Variants in PCDH15 observed in about 807,000 individuals in gnomAD.
PCDH15 encodes the protein protocadherin related 15.
Under a neutral mutation model 178.5 loss-of-function variants are expected in PCDH15, and 129 were observed. That is an observed-to-expected ratio of 0.72 (90% CI 0.63 to 0.84). The LOEUF (loss-of-function observed/expected upper bound fraction) is 0.84. PCDH15 is among the 40% of genes least tolerant of loss of function. PCDH15 has a pLI of 0.00. For synonymous variants in PCDH15, 800 were observed against 732.0 expected (o/e 1.09, Z -1.50); for missense variants, 2,230 against 2,099.9 (o/e 1.06, Z -1.21).
At chr10:54,191,759 A>G (rs201435906) in intron 11 of PCDH15, among the ~76,000 whole-genome samples, 62,214 of 147,866 alleles carry the variant, frequency 0.42, 15,643 homozygotes, top group East Asian at 0.92. Flanking sequence ...TGCAAAAAAA[A>G]AAAAAAAAAA....
At chr10:54,618,395 T>C (rs2134378139) in intron 2 of PCDH15, among the ~76,000 whole-genome samples, 1 of 152,234 alleles carries the variant, frequency 6.6e-6, no homozygotes, top group South Asian at 2.1e-4. Flanking sequence ...TACATTATGA[T>C]GTAAAACCGG....
At chr10:55,217,535 G>C (rs1238744965) in intron 1 of PCDH15, among the ~76,000 whole-genome samples, 1 of 151,678 alleles carries the variant, frequency 6.6e-6, no homozygotes, top group African/African-American at 2.4e-5. Context: ...AGAGCTCAAG[G>C]ATCTGACATG....
intron 1 of PCDH15, among the ~76,000 whole-genome samples, chr10:54,703,274 C>T (rs2095331257): frequency 6.6e-6 from 1 of 151,980 alleles, no homozygotes; most frequent in Admixed American, 6.6e-5. Flanking sequence ...AAATATCATA[C>T]TGAATGAGCA....
intron 3 of PCDH15, among the ~76,000 whole-genome samples, chr10:54,833,469 T>A (rs1953261926): frequency 6.6e-6 from 1 of 152,186 alleles, no homozygotes; most frequent in South Asian, 2.1e-4. Context: ...AGACTAAGGT[T>A]ACTGAAGAGG....
At chr10:53,843,820 T>A (rs2077808921) in intron 28 of PCDH15, among the ~76,000 whole-genome samples, 1 of 152,102 alleles carries the variant, frequency 6.6e-6, no homozygotes, top group Non-Finnish European at 1.5e-5. Flanking sequence ...AAAATTTTCA[T>A]TTATTCATTC....
intron 2 of PCDH15, among the ~76,000 whole-genome samples, chr10:55,052,537 CAAAAAAAAAAAAA>C (rs71014444): frequency 2.5e-5 from 1 of 39,362 alleles, no homozygotes; most frequent in Admixed American, 3.7e-4. Flanking sequence ...CCGTCTCATA[CAAAAAAAAAAAAA>C]AAAAAAAAAA....
At chr10:55,187,478 T>C (rs886202732) in intron 1 of PCDH15, among the ~76,000 whole-genome samples, 2 of 151,864 alleles carry the variant, frequency 1.3e-5, no homozygotes, top group African/African-American at 4.8e-5. Flanking sequence ...AGGACCATCG[T>C]GTGTGAAAGC....
At chr10:54,235,793 A>G (rs1371733026) in intron 9 of PCDH15, among the ~76,000 whole-genome samples, 1 of 152,202 alleles carries the variant, frequency 6.6e-6, no homozygotes, top group Non-Finnish European at 1.5e-5. Context: ...AGTTAATGAA[A>G]TAAATGATGC....
chr10:55,341,242 C>G (rs1844547956), intron 2 of PCDH15, among the ~76,000 whole-genome samples: 1 of 151,906 alleles, frequency 6.6e-6, no homozygotes, highest in East Asian at 1.9e-4. Flanking sequence ...ACAATAGATT[C>G]ATCTATATAC....
intron 1 of PCDH15, among the ~76,000 whole-genome samples, chr10:55,260,378 A>G (rs1160616731): frequency 3.9e-5 from 6 of 152,318 alleles, no homozygotes; most frequent in African/African-American, 1.4e-4. Context: ...AGGAAGATAG[A>G]GATGCTGGTA....
At chr10:55,179,794 A>G (rs899468829) in intron 1 of PCDH15, among the ~76,000 whole-genome samples, 1 of 151,932 alleles carries the variant, frequency 6.6e-6, no homozygotes, top group Non-Finnish European at 1.5e-5. Flanking sequence ...TGGCAGGAGT[A>G]AAAGAGCTGT....
chr10:55,339,783 T>C (rs7923312), intron 2 of PCDH15, among the ~76,000 whole-genome samples: 195 of 152,182 alleles, frequency 1.3e-3, no homozygotes, highest in African/African-American at 4.0e-3. Flanking sequence ...AAATAAAAAT[T>C]TATGAAAAAC....
chr10:54,732,049 C>G, intron 1 of PCDH15, among the ~76,000 whole-genome samples: 1 of 149,684 alleles, frequency 6.7e-6, no homozygotes, highest in East Asian at 2.0e-4. Context: ...TCACATGTAA[C>G]CTGAAAATAT....
chr10:53,832,050 T>C (rs1458789158), intron 29 of PCDH15, among the ~76,000 whole-genome samples: 1 of 151,368 alleles, frequency 6.6e-6, no homozygotes, highest in East Asian at 1.9e-4. Context: ...CTGTATTTGT[T>C]TGCCATAACA....
chr10:53,871,478 GTGTA>G (rs1280385185), intron 26 of PCDH15, among the ~76,000 whole-genome samples: 6 of 151,190 alleles, frequency 4.0e-5, no homozygotes, highest in African/African-American at 1.5e-4. Context: ...GTGTGTGTGT[GTGTA>G]TATACACAAA....
chr10:54,574,042 T>C (rs1590201909), intron 2 of PCDH15, among the ~76,000 whole-genome samples: 2 of 152,292 alleles, frequency 1.3e-5, no homozygotes, highest in Non-Finnish European at 2.9e-5. Context: ...AGATCTCATT[T>C]GTCAATTTTG....
intron 2 of PCDH15, among the ~76,000 whole-genome samples, chr10:54,909,924 A>T (rs1954790569): frequency 6.6e-6 from 1 of 152,090 alleles, no homozygotes. Flanking sequence ...GGGGGGTCTC[A>T]GGGGAAGGCT....
intron 18 of PCDH15, among the ~76,000 whole-genome samples, chr10:54,029,607 G>A (rs952845811): frequency 2.6e-5 from 4 of 152,146 alleles, no homozygotes; most frequent in African/African-American, 9.7e-5. Context: ...ACCAAAGTTA[G>A]AGTATATGAA....
chr10:53,893,407 T>G (rs12781255), intron 26 of PCDH15, among the ~76,000 whole-genome samples: 14,517 of 152,252 alleles, frequency 0.095, 787 homozygotes, highest in African/African-American at 0.14. Context: ...TCATGCAACA[T>G]ATGTTAAACA....
Sources: gnomAD v4.1 joint callset for allele counts (sites outside exome capture counted in the v4.1 genomes callset) on GRCh38, gnomAD v4.1.1 for gene constraint, MANE v1.5 for transcripts, NCBI Gene and HGNC (gene_info 2026-07-23, HGNC 2026-07-21) for gene names.